Variants in SNW1 observed in about 807,000 individuals in gnomAD.
The protein encoded by SNW1 is SNW domain-containing protein 1.
Under a neutral mutation model 75.6 loss-of-function variants are expected in SNW1, and 9 were observed. That is an observed-to-expected ratio of 0.12 (90% CI 0.07 to 0.21). The LOEUF (loss-of-function observed/expected upper bound fraction) is 0.21. SNW1 is among the 10% of genes least tolerant of loss of function. The pLI, the probability that SNW1 is intolerant of heterozygous loss-of-function variation, is 1.00. For missense variants in SNW1, 409 were observed against 670.9 expected (o/e 0.61, Z 4.31); for synonymous variants, 200 against 219.1 (o/e 0.91, Z 0.77).
chr14:77,760,911 C>G, intron 1 of SNW1: 1 of 1,223,664 alleles, frequency 8.2e-7, no homozygotes, highest in Admixed American at 1.8e-5. Context: ...AGCGGGTGAA[C>G]TAAACCCGGG....
intron 10 of SNW1, among the ~76,000 whole-genome samples, chr14:77,729,644 T>C (rs935338481): frequency 6.6e-6 from 1 of 152,210 alleles, no homozygotes; most frequent in African/African-American, 2.4e-5. Context: ...CTGCATTGTA[T>C]ATTTGAAATT....
At chr14:77,738,936 T>C (rs760382361) in intron 4 of SNW1, 30 bp downstream of exon 4, 48 of 1,608,876 alleles carry the variant, frequency 3.0e-5, no homozygotes, top group South Asian at 7.7e-5. Flanking sequence ...AGGATGTAAA[T>C]AGTCATCGAA....
intron 2 of SNW1, among the ~76,000 whole-genome samples, chr14:77,753,065 A>G (rs2080820411): frequency 6.6e-6 from 1 of 152,214 alleles, no homozygotes; most frequent in African/African-American, 2.4e-5. Context: ...CCAGAAAATC[A>G]TAGCTTTTAT....
intron 2 of SNW1, among the ~76,000 whole-genome samples, chr14:77,753,980 A>G (rs1471985265): frequency 6.6e-6 from 1 of 151,936 alleles, no homozygotes; most frequent in African/African-American, 2.4e-5. Context: ...AAATTAATTA[A>G]TTAATGTAAA....
intron 11 of SNW1, among the ~76,000 whole-genome samples, chr14:77,721,756 T>C (rs1432835802): frequency 1.3e-5 from 2 of 152,176 alleles, no homozygotes; most frequent in African/African-American, 4.8e-5. Context: ...TTTTATTTTT[T>C]ATTTTTTATG....
intron 3 of SNW1, among the ~76,000 whole-genome samples, chr14:77,742,102 G>C (rs944818119): frequency 3.3e-5 from 5 of 151,812 alleles, no homozygotes; most frequent in African/African-American, 1.2e-4. Context: ...CGTGATCTCA[G>C]CTCATAGCAA....
In SNW1 at chr14:77,720,811, T is replaced by C. The variant is rs2080534049; in HGVS notation, c.1148A>G (p.Asn383Ser). 1 of 1,613,148 alleles carries C rather than the reference T, an allele frequency of 6.2e-7. No individual in the cohort carries two copies. The highest frequency in any genetic ancestry group is 1.3e-5 in the African/African-American group (1 of 74,878). The change falls in exon 12 of 14, where the codon AAT becomes AGT. Residue 383 changes from asparagine (N) to serine (S), a missense_variant. By Grantham distance (46) the Asn-to-Ser change is conservative. This residue lies in a region of SNW1 where 126 missense variants were observed against 167.6 expected (regional missense o/e 0.75). Coordinates refer to ENST00000261531, the MANE Select transcript of SNW1 (RefSeq NM_012245.3). ...AACTTCACTGATATCCCGATTTTCA[T>C]TTCTCTGAAGTTTCGACCTATTTTG... ...APDKRSKLQRNENRDISEVIA... is the reference protein window; with the variant it reads ...APDKRSKLQRSENRDISEVIA...
rs1232332772 is a variant in SNW1 at position 77,760,721 on chromosome 14, A to G, written c.14+393T>C. 3 of 702,466 alleles carry G rather than the reference A, an allele frequency of 4.3e-6. No individual in the cohort carries two copies. In the South Asian group the frequency reaches 4.4e-5, roughly 10 times the overall value. 43.5% of individuals were successfully genotyped at this position (702,466 alleles called of 1,614,324 possible). A position where few individuals can be genotyped will look rare whatever the true frequency, so the allele number is the denominator to read the frequency against. On this transcript the variant is annotated intron_variant, in intron 1 of 13. Coordinates refer to ENST00000261531, the MANE Select transcript of SNW1 (RefSeq NM_012245.3). ...GACCACCACAGGCAAACGGCCGGAA[A>G]GCCGCGCAGTCGCAGCCCGCGCGCT...
intron 8 of SNW1, 52 bp downstream of exon 8, chr14:77,734,895 G>T: frequency 1.7e-6 from 2 of 1,203,724 alleles, no homozygotes; most frequent in Middle Eastern, 2.0e-4. Context: ...TTGTTTTACT[G>T]GTGTTTTCCA....
At chr14:77,758,096 A>G (rs984405419) in intron 1 of SNW1, among the ~76,000 whole-genome samples, 6 of 152,110 alleles carry the variant, frequency 3.9e-5, no homozygotes, top group African/African-American at 1.4e-4. Flanking sequence ...TTGGGAGGCC[A>G]AGGCAGGTGG....
At chr14:77,733,038 T>C (rs1421489576) in intron 8 of SNW1, among the ~76,000 whole-genome samples, 1 of 152,214 alleles carries the variant, frequency 6.6e-6, no homozygotes, top group Non-Finnish European at 1.5e-5. Flanking sequence ...TTCTTCACAA[T>C]GATGCAAAAC....
chr14:77,752,743 G>T (rs1469388610), intron 2 of SNW1, among the ~76,000 whole-genome samples: 5 of 151,972 alleles, frequency 3.3e-5, no homozygotes, highest in Non-Finnish European at 7.4e-5. Flanking sequence ...TTTAGAGGGG[G>T]TTTGATGGAA....
intron 3 of SNW1, among the ~76,000 whole-genome samples, chr14:77,749,537 T>C (rs2267767): frequency 0.82 from 124,324 of 151,930 alleles, 50,958 homozygotes; most frequent in South Asian, 0.86. Context: ...GAGGCCGAGG[T>C]GGGCAGATCA....
intron 3 of SNW1, among the ~76,000 whole-genome samples, chr14:77,746,904 T>TCCCC (rs371666049): frequency 3.8e-4 from 49 of 128,834 alleles, no homozygotes; most frequent in African/African-American, 1.4e-3. Context: ...CCCCTCCCCC[T>TCCCC]CCCCCCTTCT....
At chr14:77,752,627 G>A (rs536122071) in intron 2 of SNW1, among the ~76,000 whole-genome samples, 100 of 152,182 alleles carry the variant, frequency 6.6e-4, no homozygotes, top group Non-Finnish European at 6.9e-4. Context: ...TTGAGACTCC[G>A]AAAAGCTTTG....
intron 3 of SNW1, among the ~76,000 whole-genome samples, chr14:77,743,341 G>A (rs190119203): frequency 2.6e-5 from 4 of 152,046 alleles, no homozygotes; most frequent in Admixed American, 2.6e-4. Flanking sequence ...CTAATAAGTC[G>A]TATACACAGT....
At chr14:77,743,531 C>A (rs2080735512) in intron 3 of SNW1, among the ~76,000 whole-genome samples, 1 of 152,180 alleles carries the variant, frequency 6.6e-6, no homozygotes, top group South Asian at 2.1e-4. Flanking sequence ...CTCTCGGAAG[C>A]AAATCAGAAA....
chr14:77,733,684 G>A (rs1289664816), intron 8 of SNW1, among the ~76,000 whole-genome samples: 1 of 132,324 alleles, frequency 7.6e-6, no homozygotes, highest in Non-Finnish European at 1.5e-5. Flanking sequence ...GGTTGAGGCT[G>A]CAGTGAGCCA....
chr14:77,744,484 A>G (rs537846438), intron 3 of SNW1, among the ~76,000 whole-genome samples: 297 of 151,644 alleles, frequency 2.0e-3, no homozygotes, highest in African/African-American at 6.9e-3. Flanking sequence ...AAAGAAAAGA[A>G]AAGAAAAAAA....
Sources: gnomAD v4.1 joint callset for allele counts (sites outside exome capture counted in the v4.1 genomes callset) on GRCh38, gnomAD v4.1.1 for gene constraint, gnomAD v4.1.1 regional missense constraint, MANE v1.5 for transcripts, NCBI Gene and HGNC (gene_info 2026-07-23, HGNC 2026-07-21) for gene names.